ADARB2: variants seen among roughly 807,000 people sequenced by gnomAD.
ADARB2 encodes inactive double-stranded RNA-specific editase B2.
A neutral mutation model predicts 62.2 loss-of-function variants in ADARB2; 25 were observed. The observed-to-expected ratio is 0.40, with a 90% CI of 0.29 to 0.56. The LOEUF (loss-of-function observed/expected upper bound fraction) is 0.56. Among genes scored for constraint, ADARB2 ranks in the 20% least tolerant of loss-of-function variants. ADARB2 has a pLI of 0.43. For missense variants in ADARB2, 1,071 were observed against 1,077.4 expected (o/e 0.99, Z 0.08); for synonymous variants, 572 against 500.8 (o/e 1.14, Z -1.90).
chr10:1,576,057 A>AAAGGGAAGTTCAGGACCCATG (rs1564335519), intron 1 of ADARB2, among the ~76,000 whole-genome samples: 15 of 16,050 alleles, frequency 9.3e-4, no homozygotes, highest in African/African-American at 3.6e-3. Context: ...TCAGGGTCAC[A>AAAGGGAAGTTCAGGACCCATG]GGAGGGGGCC....
At chr10:1,210,478 C>T (rs1420043173) in intron 7 of ADARB2, among the ~76,000 whole-genome samples, 1 of 152,184 alleles carries the variant, frequency 6.6e-6, no homozygotes. Flanking sequence ...TTTAGCACAT[C>T]CCTAAAATGT....
At chr10:1,303,519 TAC>T (rs1831595201) in intron 3 of ADARB2, among the ~76,000 whole-genome samples, 1 of 152,026 alleles carries the variant, frequency 6.6e-6, no homozygotes, top group Non-Finnish European at 1.5e-5. Context: ...ATTCGGGAAA[TAC>T]AGAGAATGCC....
Position 1,235,399 on chromosome 10 carries a change from A to G in ADARB2, c.1362-1554T>C, listed in dbSNP as rs373187031. Reference sequence around the variant, plus strand: ...CCCACCAGCTGTGAAGCTGGAGCTGAGCAGCCCCACCTCTGCCCCATCGGA... The same window carrying G: ...CCCACCAGCTGTGAAGCTGGAGCTGGGCAGCCCCACCTCTGCCCCATCGGA... On this transcript the variant is annotated intron_variant, in intron 5 of 9. Coordinates refer to ENST00000381312, the MANE Select transcript of ADARB2 (RefSeq NM_018702.4). Among the ~76,000 whole-genome samples, 13 of 74,972 alleles carry G rather than the reference A, an allele frequency of 1.7e-4. No homozygotes were observed. In the East Asian group the frequency reaches 3.9e-3, roughly 22 times the overall value. 49.2% of individuals were successfully genotyped at this position (74,972 alleles called of 152,430 possible).
chr10:1,568,352 G>A (rs1057059313), intron 1 of ADARB2, among the ~76,000 whole-genome samples: 2 of 152,196 alleles, frequency 1.3e-5, no homozygotes, highest in African/African-American at 2.4e-5. Flanking sequence ...AAGCAGCACC[G>A]ATGGTCCAGC....
chr10:1,697,880 C>T (rs1250486596), intron 1 of ADARB2, among the ~76,000 whole-genome samples: 9 of 152,180 alleles, frequency 5.9e-5, no homozygotes, highest in African/African-American at 1.7e-4. Context: ...GAATTCATCC[C>T]TATTTGAAGG....
chr10:1,518,324 G>T (rs532060872), intron 1 of ADARB2, among the ~76,000 whole-genome samples: 8 of 152,296 alleles, frequency 5.3e-5, no homozygotes, highest in African/African-American at 1.9e-4. Context: ...TCCCACACAA[G>T]CGATGACTTC....
At chr10:1,204,506 C>T (rs545266934) in intron 7 of ADARB2, among the ~76,000 whole-genome samples, 56 of 152,372 alleles carry the variant, frequency 3.7e-4, no homozygotes, top group Admixed American at 3.1e-3. Context: ...TCCCACAGCT[C>T]TCGTGCCTCT....
chr10:1,505,740 G>A (rs557113992), intron 1 of ADARB2, among the ~76,000 whole-genome samples: 5 of 145,314 alleles, frequency 3.4e-5, no homozygotes, highest in Admixed American at 2.7e-4. Context: ...TGCCACTCCC[G>A]TCCCCACCAT....
At chr10:1,730,232 A>T (rs1416958672) in intron 1 of ADARB2, among the ~76,000 whole-genome samples, 1 of 152,200 alleles carries the variant, frequency 6.6e-6, no homozygotes, top group East Asian at 1.9e-4. Flanking sequence ...TGGCACCGTT[A>T]AAAAGACGTG....
intron 1 of ADARB2, among the ~76,000 whole-genome samples, chr10:1,431,626 C>T (rs7894824): frequency 6.6e-6 from 1 of 151,768 alleles, no homozygotes; most frequent in Non-Finnish European, 1.5e-5. Flanking sequence ...AGAAATCAAT[C>T]AAATTGAAAA....
chr10:1,488,057 T>C (rs1028358910), intron 1 of ADARB2, among the ~76,000 whole-genome samples: 4 of 152,244 alleles, frequency 2.6e-5, no homozygotes, highest in African/African-American at 9.6e-5. Context: ...TACATGTTTC[T>C]TGGTTTGCTT....
intron 1 of ADARB2, among the ~76,000 whole-genome samples, chr10:1,667,938 C>T (rs1834333740): frequency 6.6e-6 from 1 of 152,134 alleles, no homozygotes; most frequent in African/African-American, 2.4e-5. Flanking sequence ...ACCTGTGAAG[C>T]CTTGTTGGGA....
At chr10:1,523,407 G>A (rs539188452) in intron 1 of ADARB2, among the ~76,000 whole-genome samples, 19 of 152,318 alleles carry the variant, frequency 1.2e-4, no homozygotes, top group Non-Finnish European at 2.2e-4. Flanking sequence ...TTACATGCAC[G>A]TCACGCAGCC....
chr10:1,201,332 T>C (rs11595854), intron 7 of ADARB2, among the ~76,000 whole-genome samples: 41,789 of 151,720 alleles, frequency 0.28, 7,023 homozygotes, highest in South Asian at 0.47. Context: ...AAGGTAATAT[T>C]TATATACAAA....
chr10:1,606,674 C>T (rs534667397), intron 1 of ADARB2, among the ~76,000 whole-genome samples: 67 of 152,112 alleles, frequency 4.4e-4, no homozygotes, highest in Admixed American at 1.6e-3. Context: ...GCAGGTTTAG[C>T]GGTAGTAGAA....
At chr10:1,515,044 G>A (rs1465119161) in intron 1 of ADARB2, among the ~76,000 whole-genome samples, 1 of 152,220 alleles carries the variant, frequency 6.6e-6, no homozygotes, top group Non-Finnish European at 1.5e-5. Context: ...TTTTATAGCT[G>A]AAAACGAAAT....
chr10:1,693,344 G>A (rs1217101527), intron 1 of ADARB2, among the ~76,000 whole-genome samples: 1 of 152,164 alleles, frequency 6.6e-6, no homozygotes, highest in Admixed American at 6.5e-5. Context: ...AGGCTGTTGT[G>A]TGATGGTCAA....
Position 1,513,285 on chromosome 10 carries a change from C to T in ADARB2, c.101-134125G>A, listed in dbSNP as rs189690775. On this transcript the variant is annotated intron_variant, in intron 1 of 9. Coordinates refer to ENST00000381312, the MANE Select transcript of ADARB2 (RefSeq NM_018702.4). Reference sequence around the variant, plus strand: ...AGCTGCCAGAAACCCATAGCCCATACATTAATGACAAAGCGTAACTAGAAA... The same window carrying T: ...AGCTGCCAGAAACCCATAGCCCATATATTAATGACAAAGCGTAACTAGAAA... Among the ~76,000 whole-genome samples the T allele has an allele frequency of 3.7e-4, 56 of 152,334 alleles. No individual in the cohort carries two copies. The East Asian group carries it at 8.3e-3, about 23-fold the overall frequency.
At chr10:1,731,556 G>A (rs1205385411) in intron 1 of ADARB2, among the ~76,000 whole-genome samples, 2 of 152,014 alleles carry the variant, frequency 1.3e-5, no homozygotes, top group Non-Finnish European at 2.9e-5. Flanking sequence ...ATTTGATATT[G>A]GTATGTTCTT....
Sources: gnomAD v4.1 joint callset for allele counts (sites outside exome capture counted in the v4.1 genomes callset) on GRCh38, gnomAD v4.1.1 for gene constraint, MANE v1.5 for transcripts, NCBI Gene and HGNC (gene_info 2026-07-23, HGNC 2026-07-21) for gene names.